COX6B1: variants seen among roughly 807,000 people sequenced by gnomAD.
COX6B1 encodes cytochrome c oxidase subunit 6B1.
Under a neutral mutation model 14.0 loss-of-function variants are expected in COX6B1, and 2 were observed. The ratio of observed to expected loss-of-function variants is 0.14; its 90% CI spans 0.06 to 0.45. The LOEUF (loss-of-function observed/expected upper bound fraction) is 0.45. COX6B1 is among the 20% of genes least tolerant of loss of function. The pLI is 0.98. For missense variants in COX6B1, 81 were observed against 114.2 expected, an observed-to-expected ratio of 0.71 and a Z score of 1.33; for synonymous variants, 30 against 39.7, an observed-to-expected ratio of 0.76 and a Z score of 0.92.
chr19:35,653,174 C>T (rs1967848962), intron 2 of COX6B1, among the ~76,000 whole-genome samples: 1 of 151,036 alleles, frequency 6.6e-6, no homozygotes, highest in African/African-American at 2.4e-5. Flanking sequence ...AGGGTTTTAC[C>T]ATCTTGGCCA....
intron 1 of COX6B1, among the ~76,000 whole-genome samples, chr19:35,649,774 C>A (rs1351342770): frequency 2.6e-5 from 4 of 151,898 alleles, no homozygotes; most frequent in Admixed American, 2.6e-4. Flanking sequence ...GCCACCTCTT[C>A]CGGCCAATTT....
At position 35,655,403 on chromosome 19, in the gene COX6B1, A is replaced by G. The variant is rs533964520; in HGVS notation, c.207+732A>G. 4.1e-4 allele frequency among the ~76,000 whole-genome samples: 63 copies of G among 152,236 alleles called. 1 individual carries two copies. Among genetic ancestry groups the G allele is most frequent in the African/African-American group, 1.4e-3 (57 of 41,550 alleles). ...CATCCATCACCCAAAGTGAATAGTTATCAGGATTTATCCACGGTTTCTTCA... is the reference window on the plus strand; with the variant it reads ...CATCCATCACCCAAAGTGAATAGTTGTCAGGATTTATCCACGGTTTCTTCA... On this transcript the variant is annotated intron_variant, in intron 3 of 3. Transcript: ENST00000649813.
At chr19:35,650,264 A>G (rs376617371) in intron 1 of COX6B1, among the ~76,000 whole-genome samples, 1 of 152,270 alleles carries the variant, frequency 6.6e-6, no homozygotes, top group East Asian at 1.9e-4. Flanking sequence ...TGGCCTCCCA[A>G]AGTGCTAGGA....
In COX6B1 at chr19:35,658,591, C is replaced by T; in HGVS notation, c.208-3C>T. On this transcript the variant is annotated splice_region_variant and splice_polypyrimidine_tract_variant and intron_variant, in intron 3 of 3. Coordinates refer to ENST00000649813, the MANE Select transcript of COX6B1 (RefSeq NM_001863.5). ...CGGAGGGAATAACACTGTCTTTCCA[C>T]AGGTCACAGACTGGGATGAGCAACG... 1 of 1,613,702 alleles carries T rather than the reference C, an allele frequency of 6.2e-7. No individual in the cohort carries two copies. Among genetic ancestry groups the T allele is most frequent in the Non-Finnish European group, 8.5e-7 (1 of 1,179,652 alleles).
At chr19:35,652,861 C>T (rs566127427) in intron 2 of COX6B1, among the ~76,000 whole-genome samples, 12 of 152,002 alleles carry the variant, frequency 7.9e-5, no homozygotes, top group African/African-American at 1.7e-4. Flanking sequence ...TGCAATGGCA[C>T]GATCTCAGCT....
rs572739831 is a variant in COX6B1 at position 35,652,992 on chromosome 19, G to A, written c.107-1579G>A. On this transcript the variant is annotated intron_variant, in intron 2 of 3. Coordinates refer to ENST00000649813, the MANE Select transcript of COX6B1 (RefSeq NM_001863.5). ...TTTTTTTTTTTTTTTTTTTTGAGAC[G>A]GAGTCTCGCTTTGTCGCCCAGGTTG... Among the ~76,000 whole-genome samples, 122 of 141,690 alleles carry A rather than the reference G, an allele frequency of 8.6e-4. No homozygotes were observed. In the Middle Eastern group the frequency reaches 0.023, roughly 26 times the overall value. 93.0% of individuals were successfully genotyped at this position (141,690 alleles called of 152,430 possible). A position where few individuals can be genotyped will look rare whatever the true frequency, so the allele number is the denominator to read the frequency against.
chr19:35,648,619 T>C (rs1462209394), intron 1 of COX6B1: 1 of 345,490 alleles, frequency 2.9e-6, no homozygotes, highest in Non-Finnish European at 5.7e-6. Context: ...TTTATTTAAC[T>C]CTCCCACCAG....
intron 2 of COX6B1, among the ~76,000 whole-genome samples, chr19:35,653,675 G>T (rs1967855496): frequency 6.6e-6 from 1 of 150,890 alleles, no homozygotes; most frequent in South Asian, 2.1e-4. Context: ...CCGCCTCCTG[G>T]GTTCACACCA....
intron 1 of COX6B1, among the ~76,000 whole-genome samples, chr19:35,649,881 C>G (rs1434392860): frequency 1.3e-5 from 2 of 151,946 alleles, no homozygotes; most frequent in Non-Finnish European, 2.9e-5. Flanking sequence ...CTCAGCATTC[C>G]AAAGTGCTGG....
chr19:35,648,957 A>AC (rs1245137572), intron 1 of COX6B1: 1 of 532,000 alleles, frequency 1.9e-6, no homozygotes, highest in Non-Finnish European at 3.9e-6. Flanking sequence ...GGTGTTTTAC[A>AC]CCCCACTTCC....
chr19:35,650,975 G>A (rs2146369787), intron 1 of COX6B1, among the ~76,000 whole-genome samples: 1 of 152,210 alleles, frequency 6.6e-6, no homozygotes, highest in East Asian at 1.9e-4. Context: ...CATGTAGTAA[G>A]CACTCAGTGA....
intron 3 of COX6B1, among the ~76,000 whole-genome samples, chr19:35,657,858 C>T (rs543624982): frequency 4.0e-4 from 61 of 151,980 alleles, no homozygotes; most frequent in African/African-American, 6.0e-4. Flanking sequence ...GGTTTTGCCA[C>T]ATTCACCAGG....
chr19:35,651,967 C>A (rs1261772150), intron 2 of COX6B1, among the ~76,000 whole-genome samples: 2 of 151,698 alleles, frequency 1.3e-5, no homozygotes, highest in Admixed American at 6.6e-5. Flanking sequence ...CTAAAGTGAA[C>A]CCCTTGTGCA....
At chr19:35,652,838 G>C (rs1160468064) in intron 2 of COX6B1, among the ~76,000 whole-genome samples, 1 of 151,726 alleles carries the variant, frequency 6.6e-6, no homozygotes, top group Non-Finnish European at 1.5e-5. Context: ...GTTTCTTGTT[G>C]CCCAAGTTGG....
In COX6B1 at chr19:35,650,089, C is replaced by T. The variant is rs139590728; in HGVS notation, c.-11-1144C>T. ...CACAATCTCGGCTCACTACAACCTC[C>T]GCCTCCTGGGTTTAAGCGATTCTTT... On this transcript the variant is annotated intron_variant, in intron 1 of 3. Coordinates refer to ENST00000649813, the MANE Select transcript of COX6B1 (RefSeq NM_001863.5). Among the ~76,000 whole-genome samples the T allele has an allele frequency of 4.7e-3, 709 of 152,124 alleles. 2 individuals are homozygous for T. Among genetic ancestry groups the T allele is most frequent in the Middle Eastern group, 0.02 (6 of 294 alleles).
chr19:35,654,566 C>T lies in COX6B1; in HGVS notation c.107-5C>T, dbSNP rs1267424151. ...CTGGGCTGACTTGAACCCCTTTCTT[C>T]ACAGACTTCCACCGCTGTCAGAAGG... On this transcript the variant is annotated splice_polypyrimidine_tract_variant and splice_region_variant and intron_variant, in intron 2 of 3. Transcript: ENST00000649813. 1 of 1,613,270 alleles carries T rather than the reference C, an allele frequency of 6.2e-7. No individual in the cohort carries two copies. Among genetic ancestry groups the T allele is most frequent in the Non-Finnish European group, 8.5e-7 (1 of 1,179,452 alleles).
intron 2 of COX6B1, among the ~76,000 whole-genome samples, chr19:35,654,105 G>A (rs1439258480): frequency 2.0e-5 from 3 of 152,194 alleles, no homozygotes; most frequent in Non-Finnish European, 2.9e-5. Flanking sequence ...ATCCATACAT[G>A]CTGTGGCATA....
At chr19:35,653,637 G>A (rs1028563767) in intron 2 of COX6B1, among the ~76,000 whole-genome samples, 3 of 148,320 alleles carry the variant, frequency 2.0e-5, no homozygotes, top group African/African-American at 5.0e-5. Flanking sequence ...CTGGAGTGCA[G>A]TGGCGTGATC....
At chr19:35,650,459 C>G (rs1293789736) in intron 1 of COX6B1, among the ~76,000 whole-genome samples, 10 of 152,148 alleles carry the variant, frequency 6.6e-5, no homozygotes, top group South Asian at 2.1e-4. Flanking sequence ...GTTCTGTAAT[C>G]TCAACATTTT....
Sources: allele counts gnomAD v4.1 joint callset (sites outside exome capture counted in the v4.1 genomes callset), GRCh38; gene constraint gnomAD v4.1.1; transcripts MANE v1.5; gene names NCBI Gene and HGNC (gene_info 2026-07-23, HGNC 2026-07-21).